Variants in MRPL13 observed in about 807,000 individuals in gnomAD.
MRPL13 encodes the protein mitochondrial ribosomal protein L13.
Under a neutral mutation model 29.0 loss-of-function variants are expected in MRPL13, and 33 were observed. That is an observed-to-expected ratio of 1.14 (90% CI 0.86 to 1.52). The LOEUF is 1.52. MRPL13 is among the 40% of genes most tolerant of loss of function. MRPL13 has a pLI of 0.00. For missense variants in MRPL13, 227 were observed against 216.7 expected (o/e 1.05, Z -0.30); for synonymous variants, 77 against 68.4 (o/e 1.13, Z -0.62).
Position 120,421,206 on chromosome 8 carries a change from C to A in MRPL13, c.307-1268G>T, listed in dbSNP as rs531433348. 5.3e-5 allele frequency among the ~76,000 whole-genome samples: 8 copies of A among 151,672 alleles called. No individual in the cohort carries two copies. The South Asian group carries it at 1.7e-3, about 31-fold the overall frequency. On this transcript the variant is annotated intron_variant, in intron 4 of 6. Coordinates refer to ENST00000306185, the MANE Select transcript of MRPL13 (RefSeq NM_014078.6). The stretch of plus-strand genomic sequence containing the variant: ...TATTATTTATAGGAAGGGGAAAAAT[C>A]AAATAGAGGAACCATGTTAGAAGAA...
At chr8:120,442,048 A>G (rs969721811) in intron 2 of MRPL13, among the ~76,000 whole-genome samples, 1 of 152,240 alleles carries the variant, frequency 6.6e-6, no homozygotes, top group Non-Finnish European at 1.5e-5. Flanking sequence ...AGAATTGACA[A>G]AAGACATGCA....
chr8:120,423,551 TAC>T (rs1812898135), intron 4 of MRPL13, among the ~76,000 whole-genome samples: 1 of 152,006 alleles, frequency 6.6e-6, no homozygotes, highest in Non-Finnish European at 1.5e-5. Context: ...AAAGCAATAA[TAC>T]AAGCTAAATT....
At chr8:120,417,513 AGAAG>A (rs1433351024) in intron 5 of MRPL13, among the ~76,000 whole-genome samples, 1 of 152,130 alleles carries the variant, frequency 6.6e-6, no homozygotes, top group Non-Finnish European at 1.5e-5. Context: ...ATCCTCAGAA[AGAAG>A]GGACATCATA....
chr8:120,409,911 T>C (rs1812722025), intron 6 of MRPL13, among the ~76,000 whole-genome samples: 1 of 152,124 alleles, frequency 6.6e-6, no homozygotes, highest in Admixed American at 6.5e-5. Context: ...GAAAACCTAA[T>C]GTATGCTGAA....
intron 2 of MRPL13, 77 bp from the exon 3 acceptor site, chr8:120,432,200 G>T: frequency 1.9e-6 from 2 of 1,050,090 alleles, no homozygotes; most frequent in Non-Finnish European, 2.7e-6. Context: ...TATTTATAAA[G>T]CTTATCAAAG....
At chr8:120,430,609 A>G (rs1451717876) in intron 3 of MRPL13, among the ~76,000 whole-genome samples, 1 of 152,214 alleles carries the variant, frequency 6.6e-6, no homozygotes, top group East Asian at 1.9e-4. Context: ...TTTAATGGAT[A>G]AATAGGAGAA....
At chr8:120,403,966 A>G (rs2130452411) in intron 6 of MRPL13, among the ~76,000 whole-genome samples, 1 of 152,224 alleles carries the variant, frequency 6.6e-6, no homozygotes, top group East Asian at 1.9e-4. Context: ...ATAAGAAGAT[A>G]AACTGCAGAG....
intron 1 of MRPL13, 90 bp downstream of exon 1, chr8:120,444,978 G>A: frequency 6.4e-7 from 1 of 1,574,288 alleles, no homozygotes; most frequent in Non-Finnish European, 8.7e-7. Flanking sequence ...CTTCCCTGCC[G>A]CCCCAGCTTC....
intron 6 of MRPL13, among the ~76,000 whole-genome samples, chr8:120,403,986 T>G (rs1812635739): frequency 1.3e-5 from 2 of 152,226 alleles, no homozygotes; most frequent in South Asian, 4.1e-4. Flanking sequence ...GTTTTGTCAC[T>G]TTGTTTGTGA....
rs374820990 is a variant in MRPL13 at position 120,445,051 on chromosome 8, T to C, written c.27+17A>G. ...CAGTATAATGAACCCCATCAAGCCATAAGAGTCCGAGCTCACCTGGGGCGC... is the reference window on the plus strand; with the variant it reads ...CAGTATAATGAACCCCATCAAGCCACAAGAGTCCGAGCTCACCTGGGGCGC... On this transcript the variant is annotated intron_variant, in intron 1 of 6. Coordinates refer to ENST00000306185, the MANE Select transcript of MRPL13 (RefSeq NM_014078.6). The C allele has an allele frequency of 6.8e-6, 11 of 1,613,830 alleles. No homozygotes were observed. The highest frequency in any genetic ancestry group is 4.5e-5 in the East Asian group (2 of 44,826).
chr8:120,415,864 T>C (rs1812796997), intron 5 of MRPL13: 1 of 152,198 alleles, frequency 6.6e-6, no homozygotes, highest in Non-Finnish European at 1.5e-5. Flanking sequence ...TGTATAAATA[T>C]TTCATACTTC....
At chr8:120,396,240 C>A in intron 6 of MRPL13, 115 bp from the exon 7 acceptor site, 1 of 745,124 alleles carries the variant, frequency 1.3e-6, no homozygotes. Context: ...GAAATAGCTA[C>A]AAACACTATA....
At position 120,400,741 on chromosome 8, in the gene MRPL13, TAAAAA is replaced by T. The variant is rs200517890; in HGVS notation, c.516-4621_516-4617del. ...ATAAATAAATAAATAAATAAATAAA[TAAAAA>T]AAATAGACTGCTAGTTAGACTAATA... On this transcript the variant is annotated intron_variant, in intron 6 of 6. Transcript: ENST00000306185. Among the ~76,000 whole-genome samples the T allele has an allele frequency of 5.0e-4, 42 of 83,178 alleles. 1 individual carries two copies. The highest frequency in any genetic ancestry group is 2.2e-3 in the South Asian group (5 of 2,254). 54.6% of individuals were successfully genotyped at this position (83,178 alleles called of 152,430 possible). A position where few individuals can be genotyped will look rare whatever the true frequency, so the allele number is the denominator to read the frequency against.
intron 3 of MRPL13, among the ~76,000 whole-genome samples, chr8:120,428,191 C>T (rs1340131528): frequency 1.3e-5 from 2 of 148,320 alleles, no homozygotes; most frequent in Non-Finnish European, 1.5e-5. Flanking sequence ...AATAAGACCA[C>T]ACACCTACAA....
At chr8:120,417,644 G>T (rs1294098422) in intron 5 of MRPL13, among the ~76,000 whole-genome samples, 1 of 152,078 alleles carries the variant, frequency 6.6e-6, no homozygotes, top group Admixed American at 6.5e-5. Context: ...CCTGTATTTG[G>T]TCAGTGGGCA....
At chr8:120,409,058 T>C (rs1268885245) in intron 6 of MRPL13, among the ~76,000 whole-genome samples, 1 of 152,128 alleles carries the variant, frequency 6.6e-6, no homozygotes, top group African/African-American at 2.4e-5. Flanking sequence ...ATCCTTACCA[T>C]CCATCTCTCC....
intron 4 of MRPL13, 21 bp downstream of exon 4, chr8:120,425,285 T>TA (rs1812919174): frequency 6.3e-7 from 1 of 1,594,430 alleles, no homozygotes; most frequent in Non-Finnish European, 8.6e-7. Flanking sequence ...AGATGATTAA[T>TA]AAAAAATACA....
chr8:120,443,422 G>T, intron 1 of MRPL13, 114 bp from the exon 2 acceptor site: 1 of 1,016,742 alleles, frequency 9.8e-7, no homozygotes, highest in Non-Finnish European at 1.3e-6. Context: ...TACAATTAAT[G>T]TCAACAATTT....
intron 2 of MRPL13, among the ~76,000 whole-genome samples, chr8:120,441,439 G>C (rs1354485425): frequency 6.6e-6 from 1 of 152,152 alleles, no homozygotes; most frequent in African/African-American, 2.4e-5. Flanking sequence ...GAGCATTTGA[G>C]AGTTTAGAAG....
Sources: gnomAD v4.1 joint callset for allele counts (sites outside exome capture counted in the v4.1 genomes callset) on GRCh38, gnomAD v4.1.1 for gene constraint, MANE v1.5 for transcripts, NCBI Gene and HGNC (gene_info 2026-07-23, HGNC 2026-07-21) for gene names.